Variants in BANK1 observed in about 807,000 individuals in gnomAD.
The protein encoded by BANK1 is B-cell scaffold protein with ankyrin repeats.
A neutral mutation model predicts 94.5 loss-of-function variants in BANK1; 95 were observed. The observed-to-expected ratio is 1.00, with a 90% confidence interval of 0.85 to 1.19. BANK1 has a LOEUF of 1.19. Among genes scored for constraint, BANK1 ranks in the 50% most tolerant of loss-of-function variants. BANK1 has a pLI of 0.00. For synonymous variants in BANK1, 334 were observed against 308.4 expected (o/e 1.08, Z -0.87); for missense variants, 987 against 932.2 (o/e 1.06, Z -0.77).
chr4:101,820,351 A>T (rs1376265947), intron 1 of BANK1, among the ~76,000 whole-genome samples: 2 of 152,164 alleles, frequency 1.3e-5, no homozygotes, highest in African/African-American at 4.8e-5. Context: ...CCCTTGTGGG[A>T]TCTAACTCTA....
At chr4:101,806,560 T>C (rs1725562102) in intron 1 of BANK1, among the ~76,000 whole-genome samples, 1 of 152,174 alleles carries the variant, frequency 6.6e-6, no homozygotes. Context: ...CTATGCAACC[T>C]CTCTGATGCC....
chr4:101,824,961 C>G (rs1175324285), intron 1 of BANK1, among the ~76,000 whole-genome samples: 2 of 151,994 alleles, frequency 1.3e-5, no homozygotes, highest in Admixed American at 1.3e-4. Context: ...ATATTTCTTT[C>G]AGGTTTAAAC....
intron 1 of BANK1, among the ~76,000 whole-genome samples, chr4:101,813,606 G>T (rs1257900788): frequency 1.3e-5 from 2 of 152,130 alleles, no homozygotes; most frequent in East Asian, 1.9e-4. Context: ...GTCCTTGACC[G>T]CATTATGTAA....
At chr4:102,050,479 A>T (rs1397354520) in intron 11 of BANK1, among the ~76,000 whole-genome samples, 2 of 152,224 alleles carry the variant, frequency 1.3e-5, no homozygotes, top group African/African-American at 4.8e-5. Flanking sequence ...GTAATCAGCA[A>T]TAATCTCAAA....
chr4:101,823,827 A>G (rs1179489204), intron 1 of BANK1, among the ~76,000 whole-genome samples: 2 of 152,212 alleles, frequency 1.3e-5, no homozygotes, highest in Non-Finnish European at 2.9e-5. Flanking sequence ...TGAAAAGCAT[A>G]ATCTTAAAAT....
intron 7 of BANK1, among the ~76,000 whole-genome samples, chr4:101,946,060 A>G (rs994954578): frequency 6.6e-6 from 1 of 152,034 alleles, no homozygotes; most frequent in African/African-American, 2.4e-5. Context: ...AACGAATAAG[A>G]ATAAGTAAAC....
chr4:101,941,971 C>T (rs1578411446), intron 7 of BANK1, among the ~76,000 whole-genome samples: 1 of 151,752 alleles, frequency 6.6e-6, no homozygotes, highest in South Asian at 2.1e-4. Context: ...CAGTAGAGCA[C>T]ATTTTCTATT....
At chr4:101,830,866 G>A (rs574086912) in intron 2 of BANK1, among the ~76,000 whole-genome samples, 2 of 152,250 alleles carry the variant, frequency 1.3e-5, no homozygotes, top group East Asian at 1.9e-4. Context: ...GGCTTAAAGG[G>A]AAGGAGTGAA....
chr4:102,044,369 T>G (rs937785827), intron 11 of BANK1, among the ~76,000 whole-genome samples: 5 of 152,238 alleles, frequency 3.3e-5, no homozygotes, highest in African/African-American at 1.2e-4. Context: ...ACTCATCATT[T>G]TTTATGGCTG....
intron 7 of BANK1, among the ~76,000 whole-genome samples, chr4:101,949,780 C>A (rs540734072): frequency 6.6e-6 from 1 of 152,224 alleles, no homozygotes; most frequent in East Asian, 1.9e-4. Context: ...GGAAAATGTT[C>A]ATCAGAGTGC....
intron 4 of BANK1, among the ~76,000 whole-genome samples, chr4:101,865,254 G>A (rs1406262028): frequency 6.6e-6 from 1 of 152,166 alleles, no homozygotes; most frequent in Non-Finnish European, 1.5e-5. Flanking sequence ...TGCTTACCTA[G>A]AGCAGAAGCC....
Position 101,790,901 on chromosome 4 carries a change from C to A in BANK1, c.21C>A (p.Gly7=). 1 of 1,540,066 alleles carries A rather than the reference C, an allele frequency of 6.5e-7. No individual in the cohort carries two copies. Among genetic ancestry groups the A allele is most frequent in the South Asian group, 1.2e-5 (1 of 84,134 alleles). Residue 7 remains glycine, a synonymous_variant, in exon 1 of 17, where the codon GGC becomes GGA. Coordinates refer to ENST00000322953, the MANE Select transcript of BANK1 (RefSeq NM_017935.5). ...CCACAATGCTGCCAGCAGCGCCAGGCAAGGGGCTTGGGAGCCCGGACCCCG... is the reference window on the plus strand; with the variant it reads ...CCACAATGCTGCCAGCAGCGCCAGGAAAGGGGCTTGGGAGCCCGGACCCCG... MLPAAP[G]KGLGSPDPAP...
chr4:101,902,730 A>G (rs978349971), intron 6 of BANK1, among the ~76,000 whole-genome samples: 4 of 152,252 alleles, frequency 2.6e-5, no homozygotes, highest in South Asian at 2.1e-4. Context: ...TTAGTGCTGT[A>G]TCTGCATTTG....
At chr4:101,934,926 T>C (rs17031826) in intron 7 of BANK1, among the ~76,000 whole-genome samples, 3,989 of 151,690 alleles carry the variant, frequency 0.026, 186 homozygotes, top group African/African-American at 0.092. Context: ...ACTCTCTTGC[T>C]GAAATGTCAT....
In BANK1 at chr4:101,790,940, A is replaced by AGCGCCCCC. The variant is rs1560575299; in HGVS notation, c.61_68dup (p.Gly24ArgfsTer9). On this transcript the variant is annotated frameshift_variant, in exon 1 of 17. Transcript: ENST00000322953. LOFTEE classifies it high-confidence loss of function. The stretch of plus-strand genomic sequence containing the variant: ...GCCCGGACCCCGCCCCCTGCGGCCC[A>AGCGCCCCC]GCGCCCCCAGGTGGGTAGTCGCGCA... 6.6e-7 allele frequency: 1 copy of AGCGCCCCC among 1,524,162 alleles called. No homozygotes were observed. The highest frequency in any genetic ancestry group is 8.8e-7 in the Non-Finnish European group (1 of 1,141,436). 94.4% of individuals were successfully genotyped at this position (1,524,162 alleles called of 1,614,324 possible). A position where few individuals can be genotyped will look rare whatever the true frequency, so the allele number is the denominator to read the frequency against.
intron 1 of BANK1, among the ~76,000 whole-genome samples, chr4:101,810,693 T>C (rs1725708923): frequency 1.3e-5 from 2 of 152,240 alleles, no homozygotes; most frequent in African/African-American, 2.4e-5. Context: ...TCAATAATAC[T>C]GTTGGCTACT....
intron 7 of BANK1, among the ~76,000 whole-genome samples, chr4:102,016,528 A>T (rs542910190): frequency 6.6e-6 from 1 of 152,220 alleles, no homozygotes; most frequent in Admixed American, 6.5e-5. Flanking sequence ...GATGCATTGG[A>T]TTCATCACCC....
chr4:102,024,317 A>G (rs1727007993), intron 8 of BANK1, among the ~76,000 whole-genome samples: 2 of 152,190 alleles, frequency 1.3e-5, no homozygotes, highest in African/African-American at 4.8e-5. Flanking sequence ...CAGAGGTTCC[A>G]AAGTCTGTTT....
chr4:101,940,076 C>T (rs1723692141), intron 7 of BANK1, among the ~76,000 whole-genome samples: 1 of 151,664 alleles, frequency 6.6e-6, no homozygotes, highest in Non-Finnish European at 1.5e-5. Context: ...CATGCTAATT[C>T]ATTTCTTTGA....
Sources: allele counts gnomAD v4.1 joint callset (sites outside exome capture counted in the v4.1 genomes callset), GRCh38; gene constraint gnomAD v4.1.1; transcripts MANE v1.5; gene names NCBI Gene and HGNC (gene_info 2026-07-23, HGNC 2026-07-21).